ZMAT5: variants seen among roughly 807,000 people sequenced by gnomAD.
ZMAT5 encodes zinc finger matrin-type 5.
Under a neutral mutation model 28.0 loss-of-function variants are expected in ZMAT5, and 23 were observed. The observed-to-expected ratio is 0.82, with a 90% CI of 0.59 to 1.16. ZMAT5 has a LOEUF of 1.16. ZMAT5 is among the 50% of genes most tolerant of loss of function. The probability of loss-of-function intolerance (pLI) is 0.00; values close to 1 mark genes in which losing one functional copy is unlikely to be tolerated. For synonymous variants in ZMAT5, 76 were observed against 84.1 expected, an observed-to-expected ratio of 0.90 and a Z score of 0.52; for missense variants, 173 against 212.7, an observed-to-expected ratio of 0.81 and a Z score of 1.16.
At chr22:29,763,839 C>T (rs1469160618) in intron 1 of ZMAT5, among the ~76,000 whole-genome samples, 1 of 151,994 alleles carries the variant, frequency 6.6e-6, no homozygotes, top group African/African-American at 2.4e-5. Flanking sequence ...GTAGTCCCAG[C>T]TACTTGGAAG....
chr22:29,733,021 G>A (rs2067866983), intron 5 of ZMAT5, among the ~76,000 whole-genome samples: 1 of 152,226 alleles, frequency 6.6e-6, no homozygotes, highest in African/African-American at 2.4e-5. Context: ...CCATGACCTA[G>A]AGAAACCTTA....
At chr22:29,741,403 C>T (rs902179606) in intron 3 of ZMAT5, among the ~76,000 whole-genome samples, 5 of 152,160 alleles carry the variant, frequency 3.3e-5, no homozygotes, top group African/African-American at 1.2e-4. Context: ...CTTGGACATT[C>T]ACCCAGTTTC....
chr22:29,765,044 G>T (rs983850603), intron 1 of ZMAT5, among the ~76,000 whole-genome samples: 1 of 152,150 alleles, frequency 6.6e-6, no homozygotes, highest in Non-Finnish European at 1.5e-5. Context: ...ACCTCCACTT[G>T]ATGTCTGTTG....
intron 2 of ZMAT5, among the ~76,000 whole-genome samples, chr22:29,743,851 C>T (rs2067986087): frequency 2.0e-5 from 3 of 152,136 alleles, no homozygotes; most frequent in Admixed American, 6.5e-5. Flanking sequence ...ACTCAGGAAC[C>T]CTTATATCCA....
intron 1 of ZMAT5, among the ~76,000 whole-genome samples, chr22:29,750,712 G>T (rs1304612379): frequency 6.6e-6 from 1 of 152,198 alleles, no homozygotes; most frequent in South Asian, 2.1e-4. Context: ...ATTTCCCCCA[G>T]GTCACAAGGT....
At chr22:29,761,090 T>A (rs2068152632) in intron 1 of ZMAT5, among the ~76,000 whole-genome samples, 2 of 146,618 alleles carry the variant, frequency 1.4e-5, no homozygotes, top group South Asian at 4.3e-4. Flanking sequence ...CTGGCCAACG[T>A]GGTGAAACCC....
chr22:29,765,835 TCCA>T (rs1368511536), intron 1 of ZMAT5, among the ~76,000 whole-genome samples: 1 of 151,900 alleles, frequency 6.6e-6, no homozygotes, highest in African/African-American at 2.4e-5. Context: ...ACCACTACAC[TCCA>T]GTCTGGACGA....
rs920077811 is a variant in ZMAT5 at position 29,745,637 on chromosome 22, G to A, written c.127+2781C>T. On this transcript the variant is annotated intron_variant, in intron 2 of 5. Transcript: ENST00000344318. ...TTACTGAGCCCCTGTCATAGCCCTGGAAGGTGGGGACTGTTGTAGCTGTTT... is the reference window on the plus strand; with the variant it reads ...TTACTGAGCCCCTGTCATAGCCCTGAAAGGTGGGGACTGTTGTAGCTGTTT... 3.3e-5 allele frequency among the ~76,000 whole-genome samples: 5 copies of A among 152,226 alleles called. No individual in the cohort carries two copies. The South Asian group carries it at 8.3e-4, about 25-fold the overall frequency.
chr22:29,766,796 G>A (rs2068218082), intron 1 of ZMAT5, 76 bp downstream of exon 1: 1 of 152,480 alleles, frequency 6.6e-6, no homozygotes, highest in Non-Finnish European at 1.5e-5. Context: ...CAGGGTCTCG[G>A]GAACCCAGCT....
intron 2 of ZMAT5, among the ~76,000 whole-genome samples, chr22:29,743,091 G>A (rs2067978431): frequency 1.3e-5 from 2 of 152,134 alleles, no homozygotes. Context: ...ACTGGGCCCA[G>A]CCTGGAGGTA....
At chr22:29,739,406 G>C (rs767940126) in intron 4 of ZMAT5, among the ~76,000 whole-genome samples, 2 of 151,980 alleles carry the variant, frequency 1.3e-5, no homozygotes, top group Non-Finnish European at 2.9e-5. Context: ...GAGCTCACTC[G>C]GGGCCGGGCC....
chr22:29,738,869 T>C (rs544500300), intron 4 of ZMAT5, among the ~76,000 whole-genome samples: 1 of 151,936 alleles, frequency 6.6e-6, no homozygotes, highest in South Asian at 2.1e-4. Flanking sequence ...AAATTAGCCA[T>C]GTGTGGTGGT....
chr22:29,742,274 A>G, intron 3 of ZMAT5, 144 bp downstream of exon 3: 3 of 724,336 alleles, frequency 4.1e-6, no homozygotes, highest in Non-Finnish European at 7.2e-6. Flanking sequence ...GAAGGCCCTG[A>G]CTGGCCAGTC....
intron 2 of ZMAT5, 87 bp from the exon 3 acceptor site, chr22:29,742,567 CTT>C: frequency 8.3e-7 from 1 of 1,209,716 alleles, no homozygotes; most frequent in Non-Finnish European, 1.2e-6. Flanking sequence ...CATATGGACC[CTT>C]TATCTCGACA....
chr22:29,751,132 T>C (rs1423129373), intron 1 of ZMAT5, among the ~76,000 whole-genome samples: 1 of 151,740 alleles, frequency 6.6e-6, no homozygotes, highest in East Asian at 1.9e-4. Flanking sequence ...TTCAGAAAGC[T>C]TGAAGCTCCC....
chr22:29,739,024 AGAG>A lies in ZMAT5; in HGVS notation c.272-586_272-584del, dbSNP rs1190685147. Reference sequence around the variant, plus strand: ...GAAACTCCATCTCAAAAAAAAAAAAAGAGAGAGAGAGCCTGGCCCTAAGGAGGG... The same window carrying A: ...GAAACTCCATCTCAAAAAAAAAAAAAAGAGAGAGCCTGGCCCTAAGGAGGG... On this transcript the variant is annotated intron_variant, in intron 4 of 5. Coordinates refer to ENST00000344318, the MANE Select transcript of ZMAT5 (RefSeq NM_001003692.2). Among the ~76,000 whole-genome samples, 445 of 131,534 alleles carry A rather than the reference AGAG, an allele frequency of 3.4e-3. 3 individuals carry two copies. Among genetic ancestry groups the A allele is most frequent in the African/African-American group, 0.013 (423 of 33,700 alleles). The allele number at this position is 131,534 out of a possible 152,430, so 86.3% of individuals were successfully genotyped here.
chr22:29,737,055 G>T (rs131262), intron 5 of ZMAT5, among the ~76,000 whole-genome samples: 46,780 of 146,458 alleles, frequency 0.32, 8,417 homozygotes, highest in East Asian at 0.59. Flanking sequence ...GAGTGTGGTG[G>T]CTCATGCCTG....
chr22:29,755,680 T>C (rs1052223772), intron 1 of ZMAT5, among the ~76,000 whole-genome samples: 1 of 152,206 alleles, frequency 6.6e-6, no homozygotes, highest in Admixed American at 6.5e-5. Context: ...TTCACAGCCA[T>C]GGCCAGAAAG....
intron 2 of ZMAT5, 159 bp downstream of exon 2, chr22:29,748,259 C>T: frequency 1.0e-6 from 1 of 992,870 alleles, no homozygotes; most frequent in Non-Finnish European, 1.5e-6. Flanking sequence ...GCTCACCTAC[C>T]AGCCTGCTCC....
Sources: gnomAD v4.1 joint callset for allele counts (sites outside exome capture counted in the v4.1 genomes callset) on GRCh38, gnomAD v4.1.1 for gene constraint, MANE v1.5 for transcripts, NCBI Gene and HGNC (gene_info 2026-07-23, HGNC 2026-07-21) for gene names.